Variants in ZNF804B observed in about 807,000 individuals in gnomAD.
ZNF804B encodes the protein zinc finger protein 804B.
Under a neutral mutation model 101.4 loss-of-function variants are expected in ZNF804B, and 80 were observed. That is an observed-to-expected ratio of 0.79 (90% CI 0.66 to 0.95). The LOEUF (loss-of-function observed/expected upper bound fraction) is 0.95, where lower values mean the gene tolerates loss of function less well. Among genes scored for constraint, ZNF804B ranks in the 40% least tolerant of loss-of-function variants. The probability of loss-of-function intolerance (pLI) is 0.00; values close to 1 mark genes in which losing one functional copy is unlikely to be tolerated. For missense variants in ZNF804B, 1,673 were observed against 1,561.9 expected (o/e 1.07, Z -1.20); for synonymous variants, 622 against 558.8 (o/e 1.11, Z -1.59).
At chr7:89,280,564 A>C (rs999149265) in intron 2 of ZNF804B, among the ~76,000 whole-genome samples, 1 of 152,244 alleles carries the variant, frequency 6.6e-6, no homozygotes. Flanking sequence ...AAAAAATGAT[A>C]AAGGGGATAT....
At chr7:89,305,450 G>A (rs1240082571) in intron 2 of ZNF804B, among the ~76,000 whole-genome samples, 1 of 151,904 alleles carries the variant, frequency 6.6e-6, no homozygotes, top group East Asian at 1.9e-4. Context: ...AAAAGAGGCT[G>A]GTGTAATTTT....
intron 1 of ZNF804B, among the ~76,000 whole-genome samples, chr7:89,034,652 G>A (rs912217056): frequency 6.6e-6 from 1 of 152,140 alleles, no homozygotes; most frequent in Non-Finnish European, 1.5e-5. Context: ...GTCTATCACT[G>A]ATGGGCATTT....
At chr7:89,057,633 A>G (rs1246111590) in intron 1 of ZNF804B, among the ~76,000 whole-genome samples, 2 of 152,078 alleles carry the variant, frequency 1.3e-5, no homozygotes, top group South Asian at 2.1e-4. Context: ...AAAGGCATTC[A>G]GTGGGGGTGT....
At chr7:89,278,092 G>T (rs1028165541) in intron 2 of ZNF804B, among the ~76,000 whole-genome samples, 6 of 152,188 alleles carry the variant, frequency 3.9e-5, no homozygotes, top group African/African-American at 1.2e-4. Flanking sequence ...GCATTTCTCT[G>T]ATGGCCAGTG....
At chr7:89,013,270 G>A (rs73383196) in intron 1 of ZNF804B, among the ~76,000 whole-genome samples, 16,104 of 152,094 alleles carry the variant, frequency 0.11, 945 homozygotes, top group Non-Finnish European at 0.12. Context: ...ATGCTCCTGC[G>A]AGCAGTTAAG....
At chr7:88,988,362 A>G (rs964432523) in intron 1 of ZNF804B, among the ~76,000 whole-genome samples, 2 of 152,124 alleles carry the variant, frequency 1.3e-5, no homozygotes, top group African/African-American at 4.8e-5. Flanking sequence ...GAGCATTATC[A>G]TCTGACTTGT....
At chr7:88,899,596 C>A (rs1792358576) in intron 1 of ZNF804B, among the ~76,000 whole-genome samples, 1 of 152,130 alleles carries the variant, frequency 6.6e-6, no homozygotes, top group African/African-American at 2.4e-5. Context: ...ACTACTTTAA[C>A]AGTTCTCGAA....
chr7:89,160,068 G>C (rs906137953), intron 1 of ZNF804B, among the ~76,000 whole-genome samples: 1 of 152,120 alleles, frequency 6.6e-6, no homozygotes, highest in Non-Finnish European at 1.5e-5. Context: ...TGATAGACTT[G>C]AACAATAGTA....
intron 1 of ZNF804B, among the ~76,000 whole-genome samples, chr7:88,843,665 A>C (rs774105945): frequency 8.5e-5 from 13 of 152,172 alleles, no homozygotes; most frequent in Non-Finnish European, 1.3e-4. Context: ...TGAACCTGGG[A>C]GGTGGAGGTT....
chr7:88,784,526 T>C (rs1790272438), intron 1 of ZNF804B, among the ~76,000 whole-genome samples: 1 of 152,140 alleles, frequency 6.6e-6, no homozygotes, highest in Non-Finnish European at 1.5e-5. Flanking sequence ...CCAACCTCAC[T>C]GGAAACCAGA....
intron 1 of ZNF804B, among the ~76,000 whole-genome samples, chr7:89,079,306 G>GT (rs900867528): frequency 4.2e-4 from 64 of 152,032 alleles, no homozygotes; most frequent in Admixed American, 2.3e-3. Flanking sequence ...TAGGCTAAAT[G>GT]TTTTTTATTT....
chr7:89,315,889 A>T (rs1328857994), intron 2 of ZNF804B, among the ~76,000 whole-genome samples: 1 of 152,120 alleles, frequency 6.6e-6, no homozygotes, highest in Admixed American at 6.5e-5. Flanking sequence ...TATAATGATA[A>T]TTTCTTTGTC....
rs1485680626 is a variant in ZNF804B, at chr7:89,218,154, G to A, written c.109-1G>A. 1 of 1,609,608 alleles carries A rather than the reference G, an allele frequency of 6.2e-7. No individual in the cohort carries two copies. Among genetic ancestry groups the A allele is most frequent in the East Asian group, 2.2e-5 (1 of 44,774 alleles). On this transcript the variant is annotated splice_acceptor_variant, in intron 1 of 3. Transcript: ENST00000333190. LOFTEE classifies it high-confidence loss of function. ...CAACATTTATGTATTTTTTCTTAAA[G>A]GATTTTGCAGAAAAGAAGTCCACAG...
Position 88,822,292 on chromosome 7 carries a change from A to G in ZNF804B, c.108+62208A>G, listed in dbSNP as rs548507837. The stretch of plus-strand genomic sequence containing the variant: ...ATTTTTATGGGAACTAAAAACATGG[A>G]TACTCAACCTCGATTAACCTCATGA... On this transcript the variant is annotated intron_variant, in intron 1 of 3. Coordinates refer to ENST00000333190, the MANE Select transcript of ZNF804B (RefSeq NM_181646.5). Among the ~76,000 whole-genome samples the G allele has an allele frequency of 2.0e-5, 3 of 152,296 alleles. No individual in the cohort carries two copies. In the South Asian group the frequency reaches 6.2e-4, roughly 32 times the overall value.
intron 1 of ZNF804B, among the ~76,000 whole-genome samples, chr7:89,019,411 G>A (rs535236930): frequency 1.3e-5 from 2 of 152,138 alleles, no homozygotes; most frequent in African/African-American, 4.8e-5. Context: ...ATGGTCAAAT[G>A]TGAAGAATGT....
intron 2 of ZNF804B, among the ~76,000 whole-genome samples, chr7:89,285,453 G>A (rs965521610): frequency 1.4e-5 from 2 of 141,820 alleles, no homozygotes; most frequent in African/African-American, 5.2e-5. Flanking sequence ...AACCTGGGAG[G>A]CAGAGCTTGC....
chr7:89,074,484 T>C (rs533139070), intron 1 of ZNF804B, among the ~76,000 whole-genome samples: 2 of 152,288 alleles, frequency 1.3e-5, no homozygotes. Context: ...TTGCACAAGC[T>C]CTCTCTTTGC....
chr7:89,128,536 G>C (rs1041283139), intron 1 of ZNF804B, among the ~76,000 whole-genome samples: 5 of 151,936 alleles, frequency 3.3e-5, no homozygotes, highest in African/African-American at 1.2e-4. Flanking sequence ...CAGAAAATGT[G>C]AAATCTCATT....
chr7:89,105,857 C>A (rs1288215919), intron 1 of ZNF804B, among the ~76,000 whole-genome samples: 1 of 152,076 alleles, frequency 6.6e-6, no homozygotes, highest in Non-Finnish European at 1.5e-5. Context: ...TCCCATGACC[C>A]CTTTGTTAGG....
Sources: allele counts gnomAD v4.1 joint callset (sites outside exome capture counted in the v4.1 genomes callset), GRCh38; gene constraint gnomAD v4.1.1; transcripts MANE v1.5; gene names NCBI Gene and HGNC (gene_info 2026-07-23, HGNC 2026-07-21).